IL4R: variants seen among roughly 807,000 people sequenced by gnomAD.
IL4R encodes the protein interleukin 4 receptor.
In IL4R, 17 loss-of-function variants were observed where a neutral mutation model predicts 41.5. The observed-to-expected ratio is 0.41, with a 90% CI of 0.28 to 0.61. The LOEUF is 0.61. Ranked by LOEUF, IL4R falls within the 20% of genes least tolerant of loss-of-function variation. IL4R has a pLI of 0.31. For missense variants in IL4R, 974 were observed against 1,043.1 expected, an observed-to-expected ratio of 0.93 and a Z score of 0.91; for synonymous variants, 402 against 422.9, an observed-to-expected ratio of 0.95 and a Z score of 0.61.
intron 9 of IL4R, chr16:27,359,761 T>C (rs2086215744): frequency 6.6e-6 from 3 of 455,718 alleles, no homozygotes; most frequent in East Asian, 1.4e-4. Context: ...AGACAATACA[T>C]ATAAAGTGCA....
intron 1 of IL4R, among the ~76,000 whole-genome samples, chr16:27,315,958 A>T (rs1286242740): frequency 6.6e-6 from 1 of 152,140 alleles, no homozygotes; most frequent in Non-Finnish European, 1.5e-5. Context: ...CTAGGAAGTG[A>T]CTCAATGACT....
intron 1 of IL4R, among the ~76,000 whole-genome samples, chr16:27,325,364 G>A (rs1176296071): frequency 2.0e-5 from 3 of 152,130 alleles, no homozygotes; most frequent in African/African-American, 7.2e-5. Context: ...CTGAGGTCAG[G>A]AGTTTGAGAC....
chr16:27,320,940 C>A (rs577851371), intron 1 of IL4R, among the ~76,000 whole-genome samples: 1 of 123,778 alleles, frequency 8.1e-6, no homozygotes, highest in Non-Finnish European at 1.8e-5. Flanking sequence ...AATTAGCTTT[C>A]TTTCTTTCTT....
intron 5 of IL4R, 104 bp from the exon 6 acceptor site, chr16:27,346,363 C>T (rs747237678): frequency 1.3e-5 from 15 of 1,148,982 alleles, no homozygotes; most frequent in East Asian, 2.4e-5. Flanking sequence ...GAGGTTTTGT[C>T]GACCAAAAAT....
chr16:27,363,940 G>A lies in IL4R; in HGVS notation c.*110G>A. ...AGGCTGGCAGATTTCCAAAAGACTT[G>A]AAGAACCATGGTATGAAGGTGATTG... On this transcript the variant is annotated 3_prime_UTR_variant, in exon 11 of 11. Transcript: ENST00000395762. 2 of 1,299,500 alleles carry A rather than the reference G, an allele frequency of 1.5e-6. No homozygotes were observed. The highest frequency in any genetic ancestry group is 1.5e-5 in the African/African-American group (1 of 67,162). 80.5% of individuals were successfully genotyped at this position (1,299,500 alleles called of 1,614,324 possible).
intron 1 of IL4R, among the ~76,000 whole-genome samples, chr16:27,325,419 A>G (rs1385534307): frequency 2.0e-5 from 3 of 152,048 alleles, no homozygotes; most frequent in East Asian, 1.9e-4. Flanking sequence ...TAAAAATACA[A>G]AAAAATTAGC....
intron 1 of IL4R, among the ~76,000 whole-genome samples, chr16:27,322,343 A>C (rs893337520): frequency 2.6e-5 from 4 of 152,086 alleles, no homozygotes; most frequent in African/African-American, 9.6e-5. Flanking sequence ...CGCCTAGCTG[A>C]TGTTTGTGTT....
intron 8 of IL4R, among the ~76,000 whole-genome samples, chr16:27,357,268 G>T (rs1043647606): frequency 2.0e-5 from 3 of 151,930 alleles, no homozygotes; most frequent in Admixed American, 6.6e-5. Context: ...GCTGTTCTTT[G>T]TCTTTGGTTT....
In IL4R at chr16:27,363,482, C is replaced by T. The variant is rs780432027; in HGVS notation, c.2130C>T (p.Gly710=). The change falls in exon 11 of 11, where the codon GGC becomes GGT. Residue 710 remains glycine (G), a synonymous_variant. Transcript: ENST00000395762. The stretch of plus-strand genomic sequence containing the variant: ...CCCTTGTGGACAGCCTGGGCAGTGG[C>T]ATTGTCTACTCAGCCCTTACCTGCC... The part of the protein sequence containing the change: ...TDPLVDSLGS[G]IVYSALTCHL... 29 of 1,613,948 alleles carry T rather than the reference C, an allele frequency of 1.8e-5. No individual in the cohort carries two copies. Among genetic ancestry groups the T allele is most frequent in the Middle Eastern group, 3.3e-4 (2 of 6,082 alleles).
rs559690333 is a variant in IL4R at position 27,353,593 on chromosome 16, A to G, written c.670+897A>G. Among the ~76,000 whole-genome samples, 3 of 152,298 alleles carry G rather than the reference A, an allele frequency of 2.0e-5. No homozygotes were observed. The South Asian group carries it at 6.2e-4, about 32-fold the overall frequency. On this transcript the variant is annotated intron_variant, in intron 7 of 10. Coordinates refer to ENST00000395762, the MANE Select transcript of IL4R (RefSeq NM_000418.4). ...TGAGTTTTGTTTTGCTGGGGACAGG[A>G]TCAGTGATGCTGTCATTACTGGGGT... is the stretch of plus-strand genomic sequence containing the variant.
chr16:27,330,131 A>C lies in IL4R; in HGVS notation c.-86A>C, dbSNP rs1039615800. ...AAGCCGGGCGTGGTGGCTCATGCCTATAATCCCAGCACTTTTGGAGGCTGA... is the reference window on the plus strand; with the variant it reads ...AAGCCGGGCGTGGTGGCTCATGCCTCTAATCCCAGCACTTTTGGAGGCTGA... On this transcript the variant is annotated 5_prime_UTR_variant, in exon 2 of 11. Coordinates refer to ENST00000395762, the MANE Select transcript of IL4R (RefSeq NM_000418.4). 2 of 152,038 alleles carry C rather than the reference A, an allele frequency of 1.3e-5. No homozygotes were observed. Among genetic ancestry groups the C allele is most frequent in the African/African-American group, 4.8e-5 (2 of 41,422 alleles). 9.4% of individuals were successfully genotyped at this position (152,038 alleles called of 1,614,324 possible). A position where few individuals can be genotyped will look rare whatever the true frequency, so the allele number is the denominator to read the frequency against.
chr16:27,354,964 G>A (rs2086009007), intron 7 of IL4R: 15 of 452,874 alleles, frequency 3.3e-5, no homozygotes, highest in South Asian at 1.7e-4. Context: ...ATGGGGAAGG[G>A]AACTAGCTTG....
intron 6 of IL4R, 51 bp from the exon 7 acceptor site, chr16:27,352,489 G>C (rs1187207067): frequency 2.6e-6 from 4 of 1,545,254 alleles, no homozygotes; most frequent in Non-Finnish European, 3.6e-6. Context: ...GGTGGGCACT[G>C]GTGCCCCTCG....
rs140725309 is a variant in IL4R, at chr16:27,355,875, C to T, written c.738C>T (p.Ala246=). Residue 246 remains alanine (A), a synonymous_variant, in exon 8 of 11, where the codon GCC becomes GCT. Transcript: ENST00000395762. ...GCGTTTCCTGCATTGTCATCCTGGC[C>T]GTCTGCCTGTTGTGCTATGTCAGCA... ...GVSVSCIVIL[A]VCLLCYVSIT... is the part of the protein sequence containing the mutation. The T allele has an allele frequency of 8.1e-5, 131 of 1,613,536 alleles. No individual in the cohort carries two copies. In the African/African-American group the frequency reaches 1.4e-3, roughly 17 times the overall value.
At chr16:27,346,183 C>G (rs2085636117) in intron 5 of IL4R, among the ~76,000 whole-genome samples, 1 of 152,072 alleles carries the variant, frequency 6.6e-6, no homozygotes, top group Admixed American at 6.6e-5. Flanking sequence ...TGGGATTGTG[C>G]CACTGCACTC....
rs1435303012 is a variant in IL4R, at chr16:27,363,626, C to G, written c.2274C>G (p.Pro758=). Residue 758 remains proline, a synonymous_variant, in exon 11 of 11, where the codon CCC becomes CCG. Coordinates refer to ENST00000395762, the MANE Select transcript of IL4R (RefSeq NM_000418.4). ...CGDRSSPPTT[P]LRAPDPSPGG... Reference sequence around the variant, plus strand: ...ACAGGTCCTCGCCCCCTACAACCCCCCTGAGGGCCCCAGACCCCTCTCCAG... The same window carrying G: ...ACAGGTCCTCGCCCCCTACAACCCCGCTGAGGGCCCCAGACCCCTCTCCAG... 5 of 1,613,702 alleles carry G rather than the reference C, an allele frequency of 3.1e-6. No homozygotes were observed. The African/African-American group carries it at 6.7e-5, about 22-fold the overall frequency.
chr16:27,362,433 T>C lies in IL4R; in HGVS notation c.1081T>C (p.Cys361Arg), dbSNP rs200547374. Residue 361 changes from cysteine to arginine, a missense_variant, in exon 11 of 11, where the codon TGT becomes CGT. Transcript: ENST00000395762. ...GCCAGAGAGCATCAGCGTGGTGCGATGTGTGGAGTTGTTTGAGGCCCCGGT... is the reference window on the plus strand; with the variant it reads ...GCCAGAGAGCATCAGCGTGGTGCGACGTGTGGAGTTGTTTGAGGCCCCGGT... ...LWPESISVVR[C>R]VELFEAPVEC... The C allele has an allele frequency of 5.0e-5, 80 of 1,613,900 alleles. 1 individual carries two copies. The Admixed American group carries it at 8.3e-4, about 17-fold the overall frequency.
chr16:27,353,021 GC>G (rs773580283), intron 7 of IL4R, among the ~76,000 whole-genome samples: 22 of 152,158 alleles, frequency 1.4e-4, no homozygotes, highest in Non-Finnish European at 2.9e-4. Flanking sequence ...ATCTTGTGGT[GC>G]CGTCATTCTC....
intron 1 of IL4R, among the ~76,000 whole-genome samples, chr16:27,325,743 G>C (rs2084939646): frequency 6.6e-6 from 1 of 152,094 alleles, no homozygotes; most frequent in South Asian, 2.1e-4. Flanking sequence ...AGTGCCTGCT[G>C]TATGTCGGGC....
Sources: allele counts gnomAD v4.1 joint callset (sites outside exome capture counted in the v4.1 genomes callset), GRCh38; gene constraint gnomAD v4.1.1; transcripts MANE v1.5; gene names NCBI Gene and HGNC (gene_info 2026-07-23, HGNC 2026-07-21).